The following VPS39 variants were observed in gnomAD, a reference collection of about 807,000 sequenced individuals.
The protein encoded by VPS39 is vam6/Vps39-like protein.
Under a neutral mutation model 121.0 loss-of-function variants are expected in VPS39, and 70 were observed. The ratio of observed to expected loss-of-function variants is 0.58; its 90% CI spans 0.48 to 0.71. The LOEUF is 0.71. VPS39 is among the 30% of genes least tolerant of loss of function. The pLI is 0.00. For synonymous variants in VPS39, 378 were observed against 398.1 expected (o/e 0.95, Z 0.60); for missense variants, 818 against 1,051.5 (o/e 0.78, Z 3.07).
Position 42,163,637 on chromosome 15 carries a change from C to T in VPS39, c.2118G>A (p.Arg706=), listed in dbSNP as rs770121050. 6.2e-7 allele frequency: 1 copy of T among 1,613,702 alleles called. No homozygotes were observed. The highest frequency in any genetic ancestry group is 2.2e-5 in the East Asian group (1 of 44,872). ...FIYVHILKDT[R]MAEEYCHKHY... Reference sequence around the variant, plus strand: ...TGGGGCAAACTTACTCCTCAGCCATCCTTGTATCCTTCAAGATGTGGACAT... The same window carrying T: ...TGGGGCAAACTTACTCCTCAGCCATTCTTGTATCCTTCAAGATGTGGACAT... Residue 706 remains arginine (R), a synonymous_variant, in exon 20 of 25, where the codon AGG becomes AGA. Transcript: ENST00000318006.
At chr15:42,192,791 T>TG (rs1210942529) in intron 2 of VPS39, among the ~76,000 whole-genome samples, 4 of 152,190 alleles carry the variant, frequency 2.6e-5, no homozygotes, top group South Asian at 2.1e-4. Context: ...TGTTTTGTTT[T>TG]TTTTTGAGAC....
At chr15:42,206,151 A>G in intron 1 of VPS39, among the ~76,000 whole-genome samples, 1 of 152,158 alleles carries the variant, frequency 6.6e-6, no homozygotes, top group East Asian at 1.9e-4. Flanking sequence ...CCTGATTTCT[A>G]TTTCCCAGGA....
At chr15:42,195,249 T>C (rs1299916892) in intron 2 of VPS39, among the ~76,000 whole-genome samples, 1 of 152,152 alleles carries the variant, frequency 6.6e-6, no homozygotes, top group Non-Finnish European at 1.5e-5. Flanking sequence ...CAGACCAGCC[T>C]GGCCAACATG....
chr15:42,201,557 A>G (rs2050069801), intron 1 of VPS39, among the ~76,000 whole-genome samples: 1 of 152,216 alleles, frequency 6.6e-6, no homozygotes, highest in African/African-American at 2.4e-5. Context: ...TTGTTAAAAT[A>G]CAGAATGCTA....
chr15:42,176,831 T>G (rs1406833967), intron 10 of VPS39, among the ~76,000 whole-genome samples: 1 of 152,182 alleles, frequency 6.6e-6, no homozygotes, highest in African/African-American at 2.4e-5. Context: ...AATTCAGTTT[T>G]ATTACTATTA....
chr15:42,177,521 G>A (rs2049480087), intron 10 of VPS39, among the ~76,000 whole-genome samples: 2 of 152,178 alleles, frequency 1.3e-5, no homozygotes, highest in South Asian at 2.1e-4. Flanking sequence ...GTCTACTGTG[G>A]AAAGGAATTT....
chr15:42,179,598 TAAATAAATAAATA>T (rs1166496845), intron 8 of VPS39, among the ~76,000 whole-genome samples: 1 of 115,952 alleles, frequency 8.6e-6, no homozygotes, highest in African/African-American at 3.3e-5. Flanking sequence ...AATAAATAAA[TAAATAAATAAATA>T]AATAAATAAA....
intron 2 of VPS39, among the ~76,000 whole-genome samples, chr15:42,198,469 G>A (rs1444656427): frequency 6.6e-6 from 1 of 152,100 alleles, no homozygotes; most frequent in Non-Finnish European, 1.5e-5. Flanking sequence ...TCTCACCTCA[G>A]CCTCCAGAGC....
rs904071351 is a variant in VPS39, at chr15:42,159,322, G to A, written c.*1432C>T. 1 of 152,318 alleles carries A rather than the reference G, an allele frequency of 6.6e-6. No individual in the cohort carries two copies. The highest frequency in any genetic ancestry group is 6.5e-5 in the Admixed American group (1 of 15,292). 9.4% of individuals were successfully genotyped at this position (152,318 alleles called of 1,614,324 possible). On this transcript the variant is annotated 3_prime_UTR_variant, in exon 25 of 25. Coordinates refer to ENST00000318006, the MANE Select transcript of VPS39 (RefSeq NM_015289.5). The stretch of plus-strand genomic sequence containing the variant: ...TTTACAAAGGACCACGGCAGGTCAA[G>A]GACAGGCCACTAAAACTGTTGGTGC...
chr15:42,164,521 C>T (rs2049204143), intron 18 of VPS39, 35 bp from the exon 19 acceptor site: 1 of 1,611,626 alleles, frequency 6.2e-7, no homozygotes, highest in East Asian at 2.2e-5. Flanking sequence ...TGAAAGGACA[C>T]TGCCAGGTGG....
At chr15:42,189,018 C>T in intron 5 of VPS39, 96 bp downstream of exon 5, 1 of 873,948 alleles carries the variant, frequency 1.1e-6, no homozygotes, top group South Asian at 1.4e-5. Flanking sequence ...GGGTATGGAT[C>T]ATCAGTGTCA....
chr15:42,195,142 AAAAT>A (rs1377163698), intron 2 of VPS39, among the ~76,000 whole-genome samples: 12 of 152,118 alleles, frequency 7.9e-5, no homozygotes, highest in African/African-American at 2.7e-4. Flanking sequence ...CTCTCAGTTC[AAAAT>A]AAGAGTAGAC....
At chr15:42,198,698 C>A (rs375366960) in intron 2 of VPS39, among the ~76,000 whole-genome samples, 4 of 149,356 alleles carry the variant, frequency 2.7e-5, no homozygotes, top group African/African-American at 7.7e-5. Context: ...GCTCCAGGGC[C>A]TAACTGAGGC....
rs34353468 is a variant in VPS39, at chr15:42,189,794, CTT to C, written c.248-588_248-587del. 1.5e-4 allele frequency among the ~76,000 whole-genome samples: 5 copies of C among 34,026 alleles called. No individual in the cohort carries two copies. In the East Asian group the frequency reaches 4.1e-3, roughly 28 times the overall value. 22.3% of individuals were successfully genotyped at this position (34,026 alleles called of 152,430 possible). ...AGAGATCTTTCACTTCCAAAACACT[CTT>C]TTTTTTTTTTTTTTTTTTTTTTTTG... On this transcript the variant is annotated intron_variant, in intron 4 of 24. Coordinates refer to ENST00000318006, the MANE Select transcript of VPS39 (RefSeq NM_015289.5).
At position 42,160,664 on chromosome 15, in the gene VPS39, G is replaced by T; in HGVS notation, c.*90C>A. On this transcript the variant is annotated 3_prime_UTR_variant, in exon 25 of 25. Transcript: ENST00000318006. ...ATGTCCAAATGGGGAGCCTTGTGGTGGTGGCAGCCAGGATTCCTAAGGCCA... is the reference window on the plus strand; with the variant it reads ...ATGTCCAAATGGGGAGCCTTGTGGTTGTGGCAGCCAGGATTCCTAAGGCCA... 2 of 1,147,106 alleles carry T rather than the reference G, an allele frequency of 1.7e-6. No homozygotes were observed. Among genetic ancestry groups the T allele is most frequent in the Non-Finnish European group, 2.6e-6 (2 of 756,050 alleles). 71.1% of individuals were successfully genotyped at this position (1,147,106 alleles called of 1,614,324 possible).
chr15:42,168,997 G>A (rs1184469566), intron 12 of VPS39, among the ~76,000 whole-genome samples: 1 of 152,156 alleles, frequency 6.6e-6, no homozygotes, highest in African/African-American at 2.4e-5. Flanking sequence ...GAAATCTAGG[G>A]TTAAGAGACT....
At chr15:42,160,885 T>G in intron 24 of VPS39, 56 bp from the exon 25 acceptor site, 3 of 1,572,128 alleles carry the variant, frequency 1.9e-6, no homozygotes, top group Non-Finnish European at 2.6e-6. Flanking sequence ...ACCACTTCTC[T>G]GGCAGCGGCA....
rs775674367 is a variant in VPS39, at chr15:42,161,515, C to T, written c.2552+167G>A. 4 of 777,250 alleles carry T rather than the reference C, an allele frequency of 5.1e-6. No individual in the cohort carries two copies. In the African/African-American group the frequency reaches 6.8e-5, roughly 13 times the overall value. 48.1% of individuals were successfully genotyped at this position (777,250 alleles called of 1,614,324 possible). A position where few individuals can be genotyped will look rare whatever the true frequency, so the allele number is the denominator to read the frequency against. ...TTAAATTCTCGAAGCCCACTCCCAA[C>T]AGATAGAACAGGCTGCTCTCTGAAG... On this transcript the variant is annotated intron_variant, in intron 24 of 24. Transcript: ENST00000318006.
intron 1 of VPS39, among the ~76,000 whole-genome samples, chr15:42,200,575 A>G (rs1461634858): frequency 2.0e-5 from 3 of 152,242 alleles, no homozygotes; most frequent in Non-Finnish European, 4.4e-5. Flanking sequence ...ATGAGAATAT[A>G]AAGAAATTAG....
Sources: allele counts gnomAD v4.1 joint callset (sites outside exome capture counted in the v4.1 genomes callset), GRCh38; gene constraint gnomAD v4.1.1; transcripts MANE v1.5; gene names NCBI Gene and HGNC (gene_info 2026-07-23, HGNC 2026-07-21).